The following PER2 variants were observed in gnomAD, a reference collection of about 807,000 sequenced individuals.
PER2 encodes the protein period circadian protein homolog 2.
In PER2, 66 loss-of-function variants were observed where a neutral mutation model predicts 121.0. The observed-to-expected ratio is 0.55, with a 90% CI of 0.45 to 0.67. PER2 has a LOEUF of 0.67. PER2 is among the 30% of genes least tolerant of loss of function. PER2 has a pLI of 0.00. For missense variants in PER2, 1,521 were observed against 1,635.0 expected (o/e 0.93, Z 1.20); for synonymous variants, 684 against 659.9 (o/e 1.04, Z -0.56).
chr2:238,275,497 T>C (rs1696424159), intron 4 of PER2, among the ~76,000 whole-genome samples: 1 of 152,200 alleles, frequency 6.6e-6, no homozygotes, highest in Admixed American at 6.5e-5. Flanking sequence ...GAGACCAGCC[T>C]GGGCAACATA....
At chr2:238,290,287 G>GCCC (rs921456872), upstream of PER2, among the ~76,000 whole-genome samples, 1 of 147,194 alleles carries the variant, frequency 6.8e-6, no homozygotes, top group African/African-American at 2.5e-5. Flanking sequence ...CACACTCCCC[G>GCCC]CCCCCTCTCC....
At chr2:238,272,449 G>A (rs1696318379) in intron 5 of PER2, among the ~76,000 whole-genome samples, 1 of 152,242 alleles carries the variant, frequency 6.6e-6, no homozygotes, top group Non-Finnish European at 1.5e-5. Context: ...TGGCCCTCTG[G>A]GCTCAGGGTT....
chr2:238,255,342 C>T, intron 18 of PER2: 1 of 460,286 alleles, frequency 2.2e-6, no homozygotes. Flanking sequence ...AGGTCCCGTC[C>T]AGGTGGGGCC....
intron 17 of PER2, 22 bp from the exon 18 acceptor site, chr2:238,255,933 C>A: frequency 6.2e-7 from 1 of 1,614,096 alleles, no homozygotes; most frequent in Non-Finnish European, 8.5e-7. Flanking sequence ...GAACCCAGGG[C>A]TCTGGTCCAC....
chr2:238,261,053 C>A, intron 12 of PER2, 100 bp from the exon 13 acceptor site: 1 of 1,417,070 alleles, frequency 7.1e-7, no homozygotes, highest in Non-Finnish European at 9.7e-7. Context: ...AGGATGGCGA[C>A]CCGCCTAAGG....
At chr2:238,249,451 C>T (rs1362597326) in intron 21 of PER2, among the ~76,000 whole-genome samples, 3 of 152,202 alleles carry the variant, frequency 2.0e-5, no homozygotes, top group East Asian at 1.9e-4. Flanking sequence ...CTGGGAGCTG[C>T]GTATCTGCAG....
chr2:238,248,856 C>A (rs574425008), intron 22 of PER2: 5 of 600,268 alleles, frequency 8.3e-6, no homozygotes, highest in Non-Finnish European at 9.3e-6. Flanking sequence ...GGGGTTTCAC[C>A]GTGTTTGCCA....
At chr2:238,278,568 G>A (rs74508725) in intron 1 of PER2, among the ~76,000 whole-genome samples, 7,080 of 152,240 alleles carry the variant, frequency 0.047, 258 homozygotes, top group Non-Finnish European at 0.069. Context: ...GTGGGGTGCT[G>A]GGAAAAACAC....
At chr2:238,271,645 C>T in intron 5 of PER2, 132 bp from the exon 6 acceptor site, 1 of 708,120 alleles carries the variant, frequency 1.4e-6, no homozygotes, top group Non-Finnish European at 2.5e-6. Context: ...ACTCCCTTGC[C>T]TAGCCCTCAC....
At chr2:238,290,428 G>A (rs1156940477), upstream of PER2, among the ~76,000 whole-genome samples, 1 of 152,120 alleles carries the variant, frequency 6.6e-6, no homozygotes, top group African/African-American at 2.4e-5. Context: ...GGAAACAAGA[G>A]TAAACAGACA....
At chr2:238,267,235 G>A (rs757363877) in intron 8 of PER2, among the ~76,000 whole-genome samples, 19 of 152,154 alleles carry the variant, frequency 1.2e-4, no homozygotes, top group Non-Finnish European at 2.5e-4. Flanking sequence ...CAGGGATTTC[G>A]GCCAATACAA....
Position 238,275,819 on chromosome 2 carries a change from T to C in PER2, c.372A>G (p.Ala124=). The change falls in exon 4 of 23, where the codon GCA becomes GCG. Residue 124 remains alanine (A), a synonymous_variant. Coordinates refer to ENST00000254657, the MANE Select transcript of PER2 (RefSeq NM_022817.3). ...TGGCCTTGCCCTTGGCCTTCTTGTC[T>C]GCAGGGAGGTGGACCTTCAGCTCCT... ...TLKELKVHLP[A]DKKAKGKAST... The C allele has an allele frequency of 6.2e-7, 1 of 1,614,226 alleles. No individual in the cohort carries two copies. Among genetic ancestry groups the C allele is most frequent in the Non-Finnish European group, 8.5e-7 (1 of 1,179,980 alleles).
At chr2:238,256,643 GA>G in intron 17 of PER2, among the ~76,000 whole-genome samples, 1 of 152,298 alleles carries the variant, frequency 6.6e-6, no homozygotes, top group East Asian at 1.9e-4. Flanking sequence ...AATTAAAGGG[GA>G]TAAGATCTTG....
At position 238,250,662 on chromosome 2, in the gene PER2, G is replaced by C. The variant is rs1013113407; in HGVS notation, c.3356C>G (p.Thr1119Ser). 4 of 1,613,120 alleles carry C rather than the reference G, an allele frequency of 2.5e-6. No homozygotes were observed. Among genetic ancestry groups the C allele is most frequent in the Admixed American group, 1.7e-5 (1 of 60,024 alleles). Residue 1119 changes from threonine to serine, a missense_variant, in exon 21 of 23, where the codon ACT becomes AGT. Transcript: ENST00000254657. ...GAAATGCTCACTTTCTTCCATACCAGTGTTCATTTTTGCTTTGTGATTATT... is the reference window on the plus strand; with the variant it reads ...GAAATGCTCACTTTCTTCCATACCACTGTTCATTTTTGCTTTGTGATTATT... Reference protein sequence around the residue: ...SENNHKAKMNTGMEESEHFIK... With the variant: ...SENNHKAKMNSGMEESEHFIK...
chr2:238,294,710 C>T (rs1697014547), upstream of PER2, among the ~76,000 whole-genome samples: 1 of 152,204 alleles, frequency 6.6e-6, no homozygotes, highest in African/African-American at 2.4e-5. Context: ...CCTTTGTCTG[C>T]AGAAAGATCT....
chr2:238,289,030 C>T (rs1056238843), upstream of PER2: 1 of 152,218 alleles, frequency 6.6e-6, no homozygotes. Flanking sequence ...GTGGTCTCAT[C>T]CACTTCCGGC....
At chr2:238,286,100 A>G (rs1322635925) in intron 1 of PER2, among the ~76,000 whole-genome samples, 2 of 152,170 alleles carry the variant, frequency 1.3e-5, no homozygotes, top group Non-Finnish European at 2.9e-5. Flanking sequence ...TCAGACTTTT[A>G]AATCCCTACA....
chr2:238,292,653 T>A (rs538406949), upstream of PER2, among the ~76,000 whole-genome samples: 3 of 152,330 alleles, frequency 2.0e-5, no homozygotes, highest in East Asian at 5.8e-4. Flanking sequence ...TCTAATTCGC[T>A]AAGATTTTTG....
At chr2:238,285,621 C>G (rs1246688914) in intron 1 of PER2, among the ~76,000 whole-genome samples, 2 of 152,152 alleles carry the variant, frequency 1.3e-5, no homozygotes, top group Non-Finnish European at 2.9e-5. Flanking sequence ...GGAGTCCCAC[C>G]TCATGAGGTC....
Sources: gnomAD v4.1 joint callset for allele counts (sites outside exome capture counted in the v4.1 genomes callset) on GRCh38, gnomAD v4.1.1 for gene constraint, MANE v1.5 for transcripts, NCBI Gene and HGNC (gene_info 2026-07-23, HGNC 2026-07-21) for gene names.